The following PDIA5 variants were observed in gnomAD, a reference collection of about 807,000 sequenced individuals.
PDIA5 encodes the protein protein disulfide isomerase family A member 5.
PDIA5 carries 58 observed loss-of-function variants against 77.6 expected under a neutral mutation model. The ratio of observed to expected loss-of-function variants is 0.75; its 90% CI spans 0.61 to 0.93. The LOEUF is 0.93. Ranked by LOEUF, PDIA5 falls within the 40% of genes least tolerant of loss-of-function variation. The probability of loss-of-function intolerance (pLI) is 0.00; values close to 1 mark genes in which losing one functional copy is unlikely to be tolerated. For synonymous variants in PDIA5, 250 were observed against 252.1 expected, an observed-to-expected ratio of 0.99 and a Z score of 0.08; for missense variants, 630 against 647.7, an observed-to-expected ratio of 0.97 and a Z score of 0.30.
At chr3:123,090,229 T>C (rs1309195918) in intron 2 of PDIA5, among the ~76,000 whole-genome samples, 1 of 152,150 alleles carries the variant, frequency 6.6e-6, no homozygotes, top group Non-Finnish European at 1.5e-5. Flanking sequence ...CCCGAGTGCA[T>C]TGTTGGGAGC....
intron 1 of PDIA5, among the ~76,000 whole-genome samples, chr3:123,069,400 A>G (rs1327111135): frequency 6.6e-6 from 1 of 152,236 alleles, no homozygotes; most frequent in Non-Finnish European, 1.5e-5. Flanking sequence ...TAATAGTGGC[A>G]TGGTTAAATA....
chr3:123,067,996 G>T (rs1162118658), intron 1 of PDIA5, among the ~76,000 whole-genome samples: 1 of 152,148 alleles, frequency 6.6e-6, no homozygotes, highest in Non-Finnish European at 1.5e-5. Flanking sequence ...TGCTACACTT[G>T]GTGGGGGGGA....
intron 1 of PDIA5, among the ~76,000 whole-genome samples, chr3:123,068,324 C>T (rs999956033): frequency 1.3e-5 from 2 of 152,136 alleles, no homozygotes; most frequent in Non-Finnish European, 2.9e-5. Context: ...CTCCCAATAC[C>T]CTGGCCTTTT....
At chr3:123,077,549 T>TACACACACACACAC (rs368009624) in intron 1 of PDIA5, among the ~76,000 whole-genome samples, 4 of 136,414 alleles carry the variant, frequency 2.9e-5, no homozygotes, top group Non-Finnish European at 6.5e-5. Flanking sequence ...CTCACACACA[T>TACACACACACACAC]ACACACACAC....
chr3:123,105,745 A>G (rs992698499), intron 5 of PDIA5, among the ~76,000 whole-genome samples: 101 of 151,646 alleles, frequency 6.7e-4, no homozygotes, highest in African/African-American at 2.3e-3. Flanking sequence ...ACACGCACAC[A>G]CACACACACA....
intron 8 of PDIA5, among the ~76,000 whole-genome samples, chr3:123,122,734 A>G (rs1477629589): frequency 6.6e-6 from 1 of 152,246 alleles, no homozygotes; most frequent in African/African-American, 2.4e-5. Context: ...CCAAGGTCAC[A>G]TGACTCATAA....
chr3:123,141,636 G>C (rs768904414), intron 11 of PDIA5, among the ~76,000 whole-genome samples: 15 of 152,258 alleles, frequency 9.9e-5, no homozygotes, highest in Non-Finnish European at 2.1e-4. Context: ...GACAGGTGCA[G>C]GGAGCAGCAG....
At chr3:123,107,613 T>C (rs369745756) in intron 6 of PDIA5, among the ~76,000 whole-genome samples, 1 of 152,194 alleles carries the variant, frequency 6.6e-6, no homozygotes. Context: ...TCTTTAGCCA[T>C]GTGCATCCGT....
chr3:123,149,864 A>G (rs1191756710), intron 13 of PDIA5, among the ~76,000 whole-genome samples: 3 of 152,128 alleles, frequency 2.0e-5, no homozygotes, highest in Non-Finnish European at 4.4e-5. Context: ...ATAATGAACG[A>G]TCATGTAGGG....
At chr3:123,159,034 C>T (rs1936088309) in intron 15 of PDIA5, among the ~76,000 whole-genome samples, 1 of 152,186 alleles carries the variant, frequency 6.6e-6, no homozygotes, top group African/African-American at 2.4e-5. Flanking sequence ...TTAGGTGATT[C>T]AGAACAAGTA....
intron 16 of PDIA5, 122 bp downstream of exon 16, chr3:123,161,577 C>T: frequency 9.2e-7 from 1 of 1,088,494 alleles, no homozygotes; most frequent in South Asian, 1.5e-5. Context: ...TGGAACACTG[C>T]ACCGAGAGGC....
chr3:123,130,648 C>T, intron 11 of PDIA5, 32 bp downstream of exon 11: 1 of 1,611,128 alleles, frequency 6.2e-7, no homozygotes, highest in African/African-American at 1.3e-5. Flanking sequence ...CCCCTCCACA[C>T]CCTCCCCTCT....
In PDIA5 at chr3:123,108,947, C is replaced by T. The variant is rs565875807; in HGVS notation, c.481-1997C>T. On this transcript the variant is annotated intron_variant, in intron 6 of 16. Transcript: ENST00000316218. ...GTGCCAGGAGAGAGTGGCACATGTGCCTAGACCCATGGAAATACAAACAGC... is the reference window on the plus strand; with the variant it reads ...GTGCCAGGAGAGAGTGGCACATGTGTCTAGACCCATGGAAATACAAACAGC... Among the ~76,000 whole-genome samples the T allele has an allele frequency of 7.2e-5, 11 of 152,164 alleles. No individual in the cohort carries two copies. The South Asian group carries it at 2.3e-3, about 32-fold the overall frequency.
chr3:123,100,216 G>T (rs912731553), intron 3 of PDIA5, among the ~76,000 whole-genome samples: 1 of 152,222 alleles, frequency 6.6e-6, no homozygotes, highest in African/African-American at 2.4e-5. Context: ...ACTCAAACAG[G>T]GAAAGGGCAC....
intron 1 of PDIA5, among the ~76,000 whole-genome samples, chr3:123,078,616 T>A (rs1933916302): frequency 6.6e-6 from 1 of 152,222 alleles, no homozygotes. Flanking sequence ...AATACTTCAG[T>A]ATTTCCTAAA....
chr3:123,121,744 G>A (rs1935127431), intron 8 of PDIA5, among the ~76,000 whole-genome samples: 1 of 152,194 alleles, frequency 6.6e-6, no homozygotes, highest in Non-Finnish European at 1.5e-5. Flanking sequence ...CAGAAATAGA[G>A]CACCTCCTAG....
intron 10 of PDIA5, among the ~76,000 whole-genome samples, chr3:123,129,479 C>T (rs1359901232): frequency 6.6e-6 from 1 of 152,244 alleles, no homozygotes; most frequent in East Asian, 1.9e-4. Flanking sequence ...TCTGGATTTT[C>T]CAGCCCTGGC....
At chr3:123,067,260 C>T (rs974822171) in intron 1 of PDIA5, 54 bp downstream of exon 1, 2 of 1,209,910 alleles carry the variant, frequency 1.7e-6, no homozygotes, top group Non-Finnish European at 2.1e-6. Context: ...TCCCGCGTGC[C>T]CTTCTGCGCT....
At chr3:123,139,255 A>G (rs1213525668) in intron 11 of PDIA5, among the ~76,000 whole-genome samples, 1 of 152,188 alleles carries the variant, frequency 6.6e-6, no homozygotes, top group Non-Finnish European at 1.5e-5. Context: ...CAACTGTCCC[A>G]CAGCCAGGGA....
Sources: allele counts gnomAD v4.1 joint callset (sites outside exome capture counted in the v4.1 genomes callset), GRCh38; gene constraint gnomAD v4.1.1; transcripts MANE v1.5; gene names NCBI Gene and HGNC (gene_info 2026-07-23, HGNC 2026-07-21).